The following TNRC6B variants were observed in gnomAD, a reference collection of about 807,000 sequenced individuals.
TNRC6B encodes trinucleotide repeat-containing gene 6B protein.
TNRC6B carries 52 observed loss-of-function variants against 203.6 expected under a neutral mutation model. The observed-to-expected ratio is 0.26, with a 90% CI of 0.20 to 0.32. The LOEUF (loss-of-function observed/expected upper bound fraction) is 0.32. Ranked by LOEUF, TNRC6B falls within the 10% of genes least tolerant of loss-of-function variation. The pLI is 1.00. For synonymous variants in TNRC6B, 838 were observed against 845.7 expected (o/e 0.99, Z 0.16); for missense variants, 1,923 against 2,286.2 (o/e 0.84, Z 3.24).
rs1171486657 is a variant in TNRC6B at position 40,265,773 on chromosome 22, A to G, written c.1543A>G (p.Thr515Ala). The G allele has an allele frequency of 1.2e-6, 2 of 1,613,878 alleles. No individual in the cohort carries two copies. The highest frequency in any genetic ancestry group is 1.7e-6 in the Non-Finnish European group (2 of 1,179,892). The change falls in exon 5 of 23, where the codon ACT (threonine) becomes GCT (alanine). Residue 515 changes from threonine (T) to alanine (A), a missense_variant. By Grantham distance (58) the Thr-to-Ala change is moderately conservative (BLOSUM62 0). Coordinates refer to ENST00000454349, the MANE Select transcript of TNRC6B (RefSeq NM_001162501.2). Reference sequence around the variant, plus strand: ...CTCTCAGGGAGAATGGAAACAGCCGACTGGGTCTGATGAGTTGAAAATTGG... The same window carrying G: ...CTCTCAGGGAGAATGGAAACAGCCGGCTGGGTCTGATGAGTTGAAAATTGG... ...GVSQGEWKQP[T>A]GSDELKIGEW...
chr22:40,230,993 T>C (rs537815473), intron 1 of TNRC6B, among the ~76,000 whole-genome samples: 3 of 152,244 alleles, frequency 2.0e-5, no homozygotes, highest in South Asian at 4.2e-4. Flanking sequence ...TTGAAAACAC[T>C]CTCTTTTCTC....
chr22:40,292,193 C>CA (rs5845454), intron 12 of TNRC6B, among the ~76,000 whole-genome samples: 44,149 of 149,624 alleles, frequency 0.3, 7,396 homozygotes, highest in South Asian at 0.45. Flanking sequence ...GACTCCGTCT[C>CA]AAAAAAAAAG....
chr22:40,313,313 A>G (rs1239721928), intron 19 of TNRC6B, among the ~76,000 whole-genome samples: 1 of 152,208 alleles, frequency 6.6e-6, no homozygotes, highest in Non-Finnish European at 1.5e-5. Context: ...CAAGAAGTCA[A>G]GGGTCATGAG....
intron 5 of TNRC6B, 78 bp from the exon 6 acceptor site, chr22:40,270,044 C>A: frequency 7.0e-7 from 1 of 1,426,934 alleles, no homozygotes; most frequent in South Asian, 1.3e-5. Flanking sequence ...CATGCCTGTT[C>A]CTTCCACCTT....
At chr22:40,253,406 T>G (rs1332989471) in intron 3 of TNRC6B, among the ~76,000 whole-genome samples, 1 of 151,922 alleles carries the variant, frequency 6.6e-6, no homozygotes, top group African/African-American at 2.4e-5. Flanking sequence ...TCTTTTCTTA[T>G]AGAAAAAATT....
chr22:40,161,321 C>T (rs2068869705), intron 4 of TNRC6B, among the ~76,000 whole-genome samples: 1 of 152,140 alleles, frequency 6.6e-6, no homozygotes, highest in African/African-American at 2.4e-5. Context: ...AAATGGTTCT[C>T]ATTCATTGGT....
At chr22:40,226,365 C>G (rs1418847415) in intron 1 of TNRC6B, among the ~76,000 whole-genome samples, 4 of 152,098 alleles carry the variant, frequency 2.6e-5, no homozygotes, top group African/African-American at 9.7e-5. Flanking sequence ...AGCACCCTTT[C>G]TCAGAGGATT....
chr22:40,320,000 A>G (rs1161254237), intron 21 of TNRC6B, among the ~76,000 whole-genome samples: 1 of 152,214 alleles, frequency 6.6e-6, no homozygotes, highest in African/African-American at 2.4e-5. Flanking sequence ...ATTGTTACTT[A>G]TAAAACAATG....
In TNRC6B at chr22:40,310,831, C is replaced by T. The variant is rs776786729; in HGVS notation, c.4273C>T (p.Pro1425Ser). ...NMHKNGAIVAPGKTRGGSPYN... is the reference protein window; with the variant it reads ...NMHKNGAIVASGKTRGGSPYN... The stretch of plus-strand genomic sequence containing the variant: ...TCTTTTCTCAGGCGCTATAGTGGCC[C>T]CTGGTAAAACCCGGGGAGGGTCACC... The change falls in exon 17 of 23, where the codon CCT becomes TCT. Residue 1425 changes from proline to serine, a missense_variant. By Grantham distance (74) the Pro-to-Ser change is moderately conservative (BLOSUM62 -1). Around this residue, in one of 8 missense-constraint regions of TNRC6B, gnomAD observed 242 missense variants for 399.5 expected, o/e 0.61. Coordinates refer to ENST00000454349, the MANE Select transcript of TNRC6B (RefSeq NM_001162501.2). 4 of 1,612,356 alleles carry T rather than the reference C, an allele frequency of 2.5e-6. No individual in the cohort carries two copies. The highest frequency in any genetic ancestry group is 2.5e-6 in the Non-Finnish European group (3 of 1,179,238).
At chr22:40,204,616 G>A (rs890494813) in intron 1 of TNRC6B, among the ~76,000 whole-genome samples, 19 of 152,186 alleles carry the variant, frequency 1.2e-4, no homozygotes, top group African/African-American at 4.1e-4. Flanking sequence ...TTTGTAAGCA[G>A]GATGTTATCT....
intron 2 of TNRC6B, among the ~76,000 whole-genome samples, chr22:40,247,463 G>T (rs1472126944): frequency 6.6e-6 from 1 of 152,176 alleles, no homozygotes; most frequent in Non-Finnish European, 1.5e-5. Context: ...TAATTTGTGA[G>T]TATCAGCATA....
chr22:40,265,554 A>G lies in TNRC6B; in HGVS notation c.1324A>G (p.Asn442Asp). ...AACTGACACAGTCTCTGGACAAAGCAATTCTGGAAACAATGGGAACAATGG... is the reference window on the plus strand; with the variant it reads ...AACTGACACAGTCTCTGGACAAAGCGATTCTGGAAACAATGGGAACAATGG... ...SGTDTVSGQS[N>D]SGNNGNNGKE... is the part of the protein sequence containing the mutation. Residue 442 changes from asparagine (N) to aspartate (D), a missense_variant, in exon 5 of 23, where the codon AAT (asparagine) becomes GAT (aspartate). Asn to Asp is a conservative substitution (Grantham distance 23, BLOSUM62 1). Transcript: ENST00000454349. The G allele has an allele frequency of 1.2e-6, 2 of 1,613,882 alleles. No homozygotes were observed. Among genetic ancestry groups the G allele is most frequent in the Non-Finnish European group, 1.7e-6 (2 of 1,179,824 alleles).
upstream of TNRC6B, among the ~76,000 whole-genome samples, chr22:40,176,248 C>T (rs894251549): frequency 1.3e-5 from 2 of 151,884 alleles, no homozygotes; most frequent in African/African-American, 4.8e-5. Context: ...CTAAGCTCAG[C>T]CTCCCTAGTA....
chr22:40,085,691 A>G (rs1317838313), intron 1 of TNRC6B, among the ~76,000 whole-genome samples: 2 of 152,234 alleles, frequency 1.3e-5, no homozygotes, highest in Non-Finnish European at 2.9e-5. Context: ...ACTTCCATCA[A>G]GAGGCACATA....
rs561453706 is a variant in TNRC6B, at chr22:40,307,111, G to C, written c.4121-1401G>C. Among the ~76,000 whole-genome samples the C allele has an allele frequency of 3.0e-5, 4 of 133,482 alleles. No individual in the cohort carries two copies. In the South Asian group the frequency reaches 9.6e-4, roughly 32 times the overall value. The allele number at this position is 133,482 out of a possible 152,430, so 87.6% of individuals were successfully genotyped here. A position where few individuals can be genotyped will look rare whatever the true frequency, so the allele number is the denominator to read the frequency against. ...CGGTTACAGAGTGTGAAAGAACACT[G>C]TTCTTTATATAAATAGCAACATTTT... On this transcript the variant is annotated intron_variant, in intron 15 of 22. Transcript: ENST00000454349.
At chr22:40,272,465 T>A (rs1238358913) in intron 6 of TNRC6B, among the ~76,000 whole-genome samples, 1 of 152,206 alleles carries the variant, frequency 6.6e-6, no homozygotes, top group African/African-American at 2.4e-5. Flanking sequence ...ACTCTTCATA[T>A]AAAGCTATGT....
At chr22:40,136,467 C>G (rs184055259) in intron 3 of TNRC6B, among the ~76,000 whole-genome samples, 2 of 150,912 alleles carry the variant, frequency 1.3e-5, no homozygotes, top group African/African-American at 4.9e-5. Context: ...AGCCTGAACA[C>G]AGCTCATTGC....
At position 40,090,799 on chromosome 22, in the gene TNRC6B, G is replaced by T. The variant is rs545809776; in HGVS notation, c.-120-26256G>T. Among the ~76,000 whole-genome samples, 47 of 152,152 alleles carry T rather than the reference G, an allele frequency of 3.1e-4. No homozygotes were observed. In the South Asian group the frequency reaches 9.7e-3, roughly 32 times the overall value. On this transcript the variant is annotated intron_variant, in intron 1 of 23. Transcript: ENST00000301923. Reference sequence around the variant, plus strand: ...ACCCTAGTCCCCAAATTGTGGTCTTGGAATACCAATTCTCACTAACAGGAA... The same window carrying T: ...ACCCTAGTCCCCAAATTGTGGTCTTTGAATACCAATTCTCACTAACAGGAA...
At chr22:40,242,259 AACTT>A (rs1160623079) in intron 1 of TNRC6B, among the ~76,000 whole-genome samples, 3 of 151,798 alleles carry the variant, frequency 2.0e-5, no homozygotes, top group South Asian at 2.1e-4. Flanking sequence ...TATGTACACA[AACTT>A]ACAGCTAATA....
Sources: allele counts gnomAD v4.1 joint callset (sites outside exome capture counted in the v4.1 genomes callset), GRCh38; gene constraint gnomAD v4.1.1; regional missense constraint gnomAD v4.1.1; transcripts MANE v1.5; gene names NCBI Gene and HGNC (gene_info 2026-07-23, HGNC 2026-07-21).